OTUD7A: variants seen among roughly 807,000 people sequenced by gnomAD.
OTUD7A encodes the protein OTU deubiquitinase 7A.
Under a neutral mutation model 65.7 loss-of-function variants are expected in OTUD7A, and 12 were observed. The observed-to-expected ratio is 0.18, with a 90% confidence interval of 0.12 to 0.30. The LOEUF (loss-of-function observed/expected upper bound fraction) is 0.30. OTUD7A is among the 10% of genes least tolerant of loss of function. The pLI is 1.00. For synonymous variants in OTUD7A, 641 were observed against 586.3 expected, an observed-to-expected ratio of 1.09 and a Z score of -1.35; for missense variants, 1,148 against 1,304.8, an observed-to-expected ratio of 0.88 and a Z score of 1.85.
chr15:31,558,806 G>C, intron 5 of OTUD7A, 163 bp downstream of exon 5: 1 of 744,640 alleles, frequency 1.3e-6, no homozygotes, highest in Non-Finnish European at 2.2e-6. Flanking sequence ...CTAGAACACT[G>C]TCGGCCCGTA....
intron 5 of OTUD7A, among the ~76,000 whole-genome samples, chr15:31,546,926 C>T (rs990973497): frequency 2.0e-5 from 3 of 152,200 alleles, no homozygotes; most frequent in Admixed American, 6.5e-5. Context: ...TAAACCTATG[C>T]TATAAGAAGT....
rs2041143409 is a variant in OTUD7A, at chr15:31,482,616, T to A, written c.*678A>T. On this transcript the variant is annotated 3_prime_UTR_variant, in exon 13 of 13. Coordinates refer to ENST00000307050, the MANE Select transcript of OTUD7A (RefSeq NM_001382637.1). ...TACCTCACGGCGCCCGCGAGACGGG[T>A]GGTCCAGTGCCCTTTCCACGGCCGC... 6.6e-6 allele frequency: 1 copy of A among 151,670 alleles called. No individual in the cohort carries two copies. Among genetic ancestry groups the A allele is most frequent in the South Asian group, 2.1e-4 (1 of 4,758 alleles). 9.4% of individuals were successfully genotyped at this position (151,670 alleles called of 1,614,324 possible).
chr15:31,530,003 T>C (rs1418763279), intron 6 of OTUD7A, among the ~76,000 whole-genome samples: 1 of 152,154 alleles, frequency 6.6e-6, no homozygotes, highest in East Asian at 1.9e-4. Flanking sequence ...ATAACTGAGG[T>C]TCCAGAAAGT....
At chr15:31,744,978 C>T (rs1263940896) in intron 1 of OTUD7A, among the ~76,000 whole-genome samples, 1 of 151,728 alleles carries the variant, frequency 6.6e-6, no homozygotes, top group African/African-American at 2.4e-5. Context: ...ATAAAATAAT[C>T]CAGAATAAAT....
chr15:31,844,124 T>C (rs1897247645), intron 1 of OTUD7A, among the ~76,000 whole-genome samples: 1 of 152,108 alleles, frequency 6.6e-6, no homozygotes, highest in Non-Finnish European at 1.5e-5. Flanking sequence ...TTAAAGACAC[T>C]TTCCACCTTT....
chr15:31,664,062 C>T (rs558885696), intron 1 of OTUD7A, among the ~76,000 whole-genome samples: 6 of 152,266 alleles, frequency 3.9e-5, no homozygotes, highest in Admixed American at 3.9e-4. Context: ...GTTTCTTTAT[C>T]CACTCATTGA....
At chr15:31,758,523 C>A (rs1894875872) in intron 1 of OTUD7A, among the ~76,000 whole-genome samples, 1 of 152,266 alleles carries the variant, frequency 6.6e-6, no homozygotes, top group Admixed American at 6.5e-5. Context: ...AGTGCCAGAA[C>A]TGTATTCTCC....
intron 1 of OTUD7A, among the ~76,000 whole-genome samples, chr15:31,759,185 T>C (rs963694080): frequency 6.6e-6 from 1 of 152,178 alleles, no homozygotes; most frequent in African/African-American, 2.4e-5. Flanking sequence ...CACGCTCTCT[T>C]GTAGCAGCCA....
At chr15:31,695,074 T>C (rs1893045478) in intron 1 of OTUD7A, among the ~76,000 whole-genome samples, 1 of 152,186 alleles carries the variant, frequency 6.6e-6, no homozygotes, top group Admixed American at 6.5e-5. Flanking sequence ...CTCGATCCCC[T>C]GACCTTGCGA....
intron 1 of OTUD7A, among the ~76,000 whole-genome samples, chr15:31,811,418 T>C (rs1213582039): frequency 6.6e-6 from 1 of 151,770 alleles, no homozygotes; most frequent in East Asian, 1.9e-4. Flanking sequence ...GCTGTGTCTG[T>C]GTGTGTGGTA....
chr15:31,757,233 G>T (rs944072148), intron 1 of OTUD7A, among the ~76,000 whole-genome samples: 1 of 152,026 alleles, frequency 6.6e-6, no homozygotes, highest in Non-Finnish European at 1.5e-5. Flanking sequence ...GACAGCCAGG[G>T]ATCTAATTCT....
chr15:31,633,383 A>T (rs778717263), intron 3 of OTUD7A, among the ~76,000 whole-genome samples: 76 of 152,152 alleles, frequency 5.0e-4, no homozygotes, highest in Middle Eastern at 3.2e-3. Flanking sequence ...TTCATTTCTC[A>T]CCTTAGACCT....
intron 1 of OTUD7A, among the ~76,000 whole-genome samples, chr15:31,755,893 A>G (rs972238647): frequency 4.3e-4 from 1 of 2,342 alleles, no homozygotes; most frequent in African/African-American, 2.0e-3. Context: ...GGCAGGCAGC[A>G]AGGCAAACAG....
intron 5 of OTUD7A, among the ~76,000 whole-genome samples, chr15:31,555,219 G>C (rs1406150700): frequency 1.3e-5 from 2 of 152,132 alleles, no homozygotes; most frequent in Non-Finnish European, 2.9e-5. Context: ...CTGAGCCCTG[G>C]GTTCATGTTC....
At chr15:31,753,709 TA>T (rs1567004967) in intron 1 of OTUD7A, among the ~76,000 whole-genome samples, 21 of 112,510 alleles carry the variant, frequency 1.9e-4, no homozygotes, top group South Asian at 5.1e-4. Context: ...ATATTATATA[TA>T]TATATATATA....
At chr15:31,732,427 C>A (rs1164811770) in intron 1 of OTUD7A, among the ~76,000 whole-genome samples, 1 of 152,168 alleles carries the variant, frequency 6.6e-6, no homozygotes, top group Non-Finnish European at 1.5e-5. Context: ...TTGATTGTGC[C>A]ATGCTTCATA....
chr15:31,559,365 T>C (rs564602844), intron 4 of OTUD7A, among the ~76,000 whole-genome samples, 178 bp from the exon 5 acceptor site: 2 of 152,232 alleles, frequency 1.3e-5, no homozygotes, highest in South Asian at 4.1e-4. Context: ...TGCACACATA[T>C]GAACACACCA....
chr15:31,839,770 G>A lies in OTUD7A; in HGVS notation c.-100+30737C>T, dbSNP rs879777501. Among the ~76,000 whole-genome samples the A allele has an allele frequency of 3.2e-4, 48 of 152,108 alleles. 1 individual carries two copies. The highest frequency in any genetic ancestry group is 8.8e-5 in the Non-Finnish European group (6 of 68,022). On this transcript the variant is annotated intron_variant, in intron 1 of 12. Transcript: ENST00000307050. ...ATGGTCAGGTATAAATAAGGGCATCGGTCACCATGTGCAAAGCCTCTTGGG... is the reference window on the plus strand; with the variant it reads ...ATGGTCAGGTATAAATAAGGGCATCAGTCACCATGTGCAAAGCCTCTTGGG...
intron 1 of OTUD7A, among the ~76,000 whole-genome samples, chr15:31,824,680 CAA>C (rs1896759439): frequency 6.6e-6 from 1 of 152,180 alleles, no homozygotes; most frequent in Non-Finnish European, 1.5e-5. Flanking sequence ...TTCACCCAGC[CAA>C]AGACTCTCCT....
Sources: allele counts gnomAD v4.1 joint callset (sites outside exome capture counted in the v4.1 genomes callset), GRCh38; gene constraint gnomAD v4.1.1; transcripts MANE v1.5; gene names NCBI Gene and HGNC (gene_info 2026-07-23, HGNC 2026-07-21).